CERK: variants seen among roughly 807,000 people sequenced by gnomAD.
CERK encodes ceramide kinase.
CERK carries 39 observed loss-of-function variants against 63.4 expected under a neutral mutation model. The observed-to-expected ratio is 0.61, with a 90% CI of 0.48 to 0.80. The LOEUF (loss-of-function observed/expected upper bound fraction) is 0.80. Among genes scored for constraint, CERK ranks in the 30% least tolerant of loss-of-function variants. The pLI, the probability that CERK is intolerant of heterozygous loss-of-function variation, is 0.00. For missense variants in CERK, 670 were observed against 714.1 expected (o/e 0.94, Z 0.70); for synonymous variants, 302 against 280.0 (o/e 1.08, Z -0.78).
intron 4 of CERK, 30 bp downstream of exon 4, chr22:46,712,138 C>T: frequency 6.2e-7 from 1 of 1,612,816 alleles, no homozygotes; most frequent in Non-Finnish European, 8.5e-7. Context: ...CTCAAACTTA[C>T]TTCTACATAG....
chr22:46,693,308 A>G, intron 10 of CERK, 119 bp downstream of exon 10: 3 of 793,968 alleles, frequency 3.8e-6, no homozygotes, highest in Admixed American at 2.1e-5. Context: ...GCCTGGTGCC[A>G]GACAGGAAAA....
chr22:46,727,442 G>A (rs1354631400), intron 1 of CERK, among the ~76,000 whole-genome samples: 2 of 85,196 alleles, frequency 2.3e-5, no homozygotes, highest in East Asian at 8.8e-4. Flanking sequence ...ACCATGCCCA[G>A]CTGTTTCTTT....
intron 1 of CERK, among the ~76,000 whole-genome samples, chr22:46,729,541 T>C (rs2082935487): frequency 6.6e-6 from 1 of 152,032 alleles, no homozygotes; most frequent in Non-Finnish European, 1.5e-5. Context: ...CCTGAGTAGC[T>C]GGGACTACAG....
chr22:46,711,495 T>C (rs190776870), intron 4 of CERK, among the ~76,000 whole-genome samples: 1 of 152,332 alleles, frequency 6.6e-6, no homozygotes, highest in Admixed American at 6.5e-5. Flanking sequence ...TACCAAAGTG[T>C]AGTAAGAAGA....
At chr22:46,694,738 C>G (rs767594392) in intron 9 of CERK, among the ~76,000 whole-genome samples, 1 of 152,178 alleles carries the variant, frequency 6.6e-6, no homozygotes, top group Non-Finnish European at 1.5e-5. Flanking sequence ...GGGTGAGGGT[C>G]TCAGCCAGGG....
chr22:46,704,767 G>A (rs534395852), intron 6 of CERK, among the ~76,000 whole-genome samples: 2 of 148,842 alleles, frequency 1.3e-5, no homozygotes, highest in African/African-American at 5.0e-5. Context: ...GGAGGTTGCA[G>A]TGAGCTGAGA....
At chr22:46,726,564 T>A (rs1478162003) in intron 1 of CERK, among the ~76,000 whole-genome samples, 1 of 152,176 alleles carries the variant, frequency 6.6e-6, no homozygotes, top group Non-Finnish European at 1.5e-5. Context: ...TGATTCCCCC[T>A]GCAATGACAT....
intron 12 of CERK, 147 bp from the exon 13 acceptor site, chr22:46,687,353 A>AGTGG: frequency 1.5e-6 from 1 of 655,866 alleles, no homozygotes; most frequent in Non-Finnish European, 2.7e-6. Flanking sequence ...CAGGGGCTGA[A>AGTGG]GTGGGGGTCC....
chr22:46,708,981 C>T (rs545676446), intron 5 of CERK, among the ~76,000 whole-genome samples: 7 of 152,292 alleles, frequency 4.6e-5, no homozygotes, highest in African/African-American at 1.4e-4. Flanking sequence ...CGACCAGTCT[C>T]CAGGGCTGGG....
chr22:46,702,913 C>T (rs1043204482), intron 6 of CERK, among the ~76,000 whole-genome samples: 31 of 152,332 alleles, frequency 2.0e-4, no homozygotes, highest in African/African-American at 3.1e-4. Flanking sequence ...CAACTGAATA[C>T]GGGAGTTCCT....
At chr22:46,708,905 G>T (rs780756958) in intron 5 of CERK, among the ~76,000 whole-genome samples, 1 of 152,114 alleles carries the variant, frequency 6.6e-6, no homozygotes, top group African/African-American at 2.4e-5. Context: ...AGCCTGAGGG[G>T]CCTCCCTCAA....
intron 9 of CERK, chr22:46,693,738 A>G: frequency 2.2e-6 from 1 of 459,716 alleles, no homozygotes; most frequent in Non-Finnish European, 4.0e-6. Context: ...GAAGCACAGC[A>G]TGAGGACGCT....
chr22:46,688,009 C>T (rs528474198), intron 12 of CERK, among the ~76,000 whole-genome samples: 1 of 152,206 alleles, frequency 6.6e-6, no homozygotes, highest in African/African-American at 2.4e-5. Context: ...CCAGCCTGGC[C>T]AACATGGTGA....
At position 46,689,982 on chromosome 22, in the gene CERK, C is replaced by T. The variant is rs1038809729; in HGVS notation, c.1541+10G>A. 5 of 1,592,426 alleles carry T rather than the reference C, an allele frequency of 3.1e-6. No homozygotes were observed. On this transcript the variant is annotated intron_variant, in intron 12 of 12. Transcript: ENST00000216264. Reference sequence around the variant, plus strand: ...GATGGCGCTGGTGGCTGGAGGACCCCTGCACGCACCTGACCTCGATGGCAG... The same window carrying T: ...GATGGCGCTGGTGGCTGGAGGACCCTTGCACGCACCTGACCTCGATGGCAG...
intron 12 of CERK, among the ~76,000 whole-genome samples, chr22:46,688,957 CT>C (rs1175282456): frequency 2.6e-5 from 4 of 152,254 alleles, no homozygotes; most frequent in Non-Finnish European, 5.9e-5. Context: ...GTTACTGGGT[CT>C]TTCCATGGAG....
At chr22:46,735,730 G>A (rs932822123) in intron 1 of CERK, among the ~76,000 whole-genome samples, 1 of 152,176 alleles carries the variant, frequency 6.6e-6, no homozygotes, top group Non-Finnish European at 1.5e-5. Flanking sequence ...CTGGGGGAAT[G>A]GGGAGGGCTG....
chr22:46,729,839 A>G (rs2082936786), intron 1 of CERK, among the ~76,000 whole-genome samples: 2 of 152,098 alleles, frequency 1.3e-5, no homozygotes, highest in Non-Finnish European at 2.9e-5. Context: ...GGAGATCGAG[A>G]CCATCCTGGC....
intron 1 of CERK, among the ~76,000 whole-genome samples, chr22:46,734,637 G>A (rs2082963280): frequency 6.6e-6 from 1 of 152,184 alleles, no homozygotes; most frequent in South Asian, 2.1e-4. Context: ...GAGTTTTATT[G>A]CATGCAATTT....
At chr22:46,699,679 G>C (rs1458419887) in intron 7 of CERK, among the ~76,000 whole-genome samples, 6 of 152,232 alleles carry the variant, frequency 3.9e-5, no homozygotes, top group Non-Finnish European at 8.8e-5. Context: ...TTCTAAAACA[G>C]GCTCGGGGAG....
Sources: allele counts gnomAD v4.1 joint callset (sites outside exome capture counted in the v4.1 genomes callset), GRCh38; gene constraint gnomAD v4.1.1; transcripts MANE v1.5; gene names NCBI Gene and HGNC (gene_info 2026-07-23, HGNC 2026-07-21).